RNF144A: variants seen among roughly 807,000 people sequenced by gnomAD.
The protein encoded by RNF144A is E3 ubiquitin-protein ligase RNF144A.
Under a neutral mutation model 38.7 loss-of-function variants are expected in RNF144A, and 11 were observed. The ratio of observed to expected loss-of-function variants is 0.28; its 90% CI spans 0.18 to 0.47. RNF144A has a LOEUF of 0.47. RNF144A is among the 20% of genes least tolerant of loss of function. RNF144A has a pLI of 0.99. For missense variants in RNF144A, 316 were observed against 377.2 expected (o/e 0.84, Z 1.34); for synonymous variants, 149 against 143.9 (o/e 1.04, Z -0.25).
At chr2:7,065,448 C>A (rs918514791) in intron 6 of RNF144A, among the ~76,000 whole-genome samples, 2 of 152,174 alleles carry the variant, frequency 1.3e-5, no homozygotes, top group African/African-American at 4.8e-5. Context: ...TTTCCTTGGC[C>A]AAACTTTTGT....
In RNF144A at chr2:6,944,214, G is replaced by A. The variant is rs1040175707; in HGVS notation, c.-12+3067G>A. Among the ~76,000 whole-genome samples the A allele has an allele frequency of 7.9e-5, 12 of 152,140 alleles. No homozygotes were observed. The highest frequency in any genetic ancestry group is 2.9e-4 in the African/African-American group (12 of 41,418). On this transcript the variant is annotated intron_variant, in intron 2 of 8. Coordinates refer to ENST00000320892, the MANE Select transcript of RNF144A (RefSeq NM_014746.6). The surrounding 1 kb of genome is among the most constrained non-coding windows in gnomAD (Gnocchi z 4.7). Reference sequence around the variant, plus strand: ...GGAGGCCGGGCACTATGGGCCTGGGGTGATGGAGAAAGGACCTGCAGTGGC... The same window carrying A: ...GGAGGCCGGGCACTATGGGCCTGGGATGATGGAGAAAGGACCTGCAGTGGC...
intron 4 of RNF144A, 34 bp downstream of exon 4, chr2:7,014,592 G>A: frequency 6.6e-7 from 1 of 1,513,538 alleles, no homozygotes. Flanking sequence ...GCTGTTTGAT[G>A]TGCACAGGCG....
At chr2:7,052,089 C>T (rs1271542516) in intron 6 of RNF144A, among the ~76,000 whole-genome samples, 1 of 152,086 alleles carries the variant, frequency 6.6e-6, no homozygotes, top group African/African-American at 2.4e-5. Flanking sequence ...TAGCTGTGCC[C>T]TGGAGAGAGG....
At chr2:6,922,079 C>T (rs1023673890) in intron 1 of RNF144A, among the ~76,000 whole-genome samples, 1 of 152,208 alleles carries the variant, frequency 6.6e-6, no homozygotes, top group Non-Finnish European at 1.5e-5. Context: ...TTTGGAGCGT[C>T]TTTCCCTATC....
At chr2:6,949,954 A>T (rs1004475779) in intron 2 of RNF144A, among the ~76,000 whole-genome samples, 2 of 151,980 alleles carry the variant, frequency 1.3e-5, no homozygotes, top group African/African-American at 4.8e-5. Context: ...TATTATTATT[A>T]TTATTTTTTT....
chr2:6,978,580 G>A (rs1262118424), intron 2 of RNF144A: 2 of 152,600 alleles, frequency 1.3e-5, no homozygotes, highest in African/African-American at 4.8e-5. Context: ...GGTTGCCGGG[G>A]TTTTCTTGGG....
At chr2:7,013,325 C>A (rs577322955) in intron 3 of RNF144A, among the ~76,000 whole-genome samples, 7 of 152,278 alleles carry the variant, frequency 4.6e-5, no homozygotes, top group African/African-American at 1.7e-4. Flanking sequence ...GAAGGAATTG[C>A]AGTTGAATTT....
chr2:6,934,311 G>T (rs183060227), intron 1 of RNF144A, among the ~76,000 whole-genome samples: 3 of 152,124 alleles, frequency 2.0e-5, no homozygotes, highest in Admixed American at 1.3e-4. Context: ...TTCTCTTTCT[G>T]TGAACCTGTT....
chr2:7,002,748 A>G (rs1193161253), intron 3 of RNF144A, among the ~76,000 whole-genome samples: 2 of 152,166 alleles, frequency 1.3e-5, no homozygotes, highest in Admixed American at 6.5e-5. Context: ...TCGTTATTTT[A>G]GAGTGTACTA....
At chr2:6,990,304 C>T (rs2103378494) in intron 2 of RNF144A, among the ~76,000 whole-genome samples, 1 of 151,194 alleles carries the variant, frequency 6.6e-6, no homozygotes, top group Admixed American at 6.6e-5. Context: ...TAACTCCAGT[C>T]CTATTGGATT....
intron 8 of RNF144A, among the ~76,000 whole-genome samples, chr2:7,034,858 C>T (rs1672557925): frequency 6.6e-6 from 1 of 152,124 alleles, no homozygotes; most frequent in African/African-American, 2.4e-5. Flanking sequence ...GCTGGGGAGC[C>T]TTCGGGAGTG....
At chr2:7,069,083 C>T (rs1337081443), downstream of RNF144A, among the ~76,000 whole-genome samples, 2 of 152,336 alleles carry the variant, frequency 1.3e-5, no homozygotes, top group South Asian at 2.1e-4. Context: ...AGCCAATCAG[C>T]ACAGTCAGCC....
intron 6 of RNF144A, among the ~76,000 whole-genome samples, chr2:7,056,574 T>A (rs372646137): frequency 9.6e-4 from 146 of 152,316 alleles, no homozygotes; most frequent in African/African-American, 3.3e-3. Flanking sequence ...AACTCTCTTC[T>A]AGGTCATTCC....
At chr2:6,942,563 G>T (rs1355487664) in intron 2 of RNF144A, among the ~76,000 whole-genome samples, 4 of 152,242 alleles carry the variant, frequency 2.6e-5, no homozygotes, top group African/African-American at 7.2e-5. Flanking sequence ...TCCTTCCAGA[G>T]TGGTTGTGAA....
chr2:6,953,371 G>A (rs903198308), intron 2 of RNF144A, among the ~76,000 whole-genome samples: 2 of 152,208 alleles, frequency 1.3e-5, no homozygotes, highest in African/African-American at 4.8e-5. Context: ...GGAGGTTGCA[G>A]TGAGCCAAGA....
chr2:6,930,554 T>C (rs1432076267), intron 1 of RNF144A, among the ~76,000 whole-genome samples: 1 of 151,946 alleles, frequency 6.6e-6, no homozygotes, highest in Non-Finnish European at 1.5e-5. Context: ...ATACACACAC[T>C]TTATCTATCT....
At chr2:6,938,432 G>T (rs1473158384) in intron 1 of RNF144A, among the ~76,000 whole-genome samples, 1 of 151,884 alleles carries the variant, frequency 6.6e-6, no homozygotes, top group East Asian at 1.9e-4. Flanking sequence ...ATTTTTAGTA[G>T]AGATGGGATT....
intron 1 of RNF144A, among the ~76,000 whole-genome samples, chr2:6,931,414 C>T (rs1665204180): frequency 1.3e-5 from 2 of 152,154 alleles, no homozygotes; most frequent in East Asian, 3.8e-4. Context: ...AACAAATTAC[C>T]ATTGGAATTA....
At chr2:7,075,488 A>G in the RNF144A span, among the ~76,000 whole-genome samples, 3 of 152,222 alleles carry the variant, frequency 2.0e-5, no homozygotes, top group Non-Finnish European at 4.4e-5. Context: ...GTGGGGTTTT[A>G]AAGAGGCAAT....
Sources: allele counts gnomAD v4.1 joint callset (sites outside exome capture counted in the v4.1 genomes callset), GRCh38; gene constraint gnomAD v4.1.1; non-coding constraint Gnocchi (gnomAD v3.1); transcripts MANE v1.5; gene names NCBI Gene and HGNC (gene_info 2026-07-23, HGNC 2026-07-21).